The following PDHA1 variants were observed in gnomAD, a reference collection of about 807,000 sequenced individuals.
PDHA1 encodes pyruvate dehydrogenase E1 component subunit alpha, somatic form, mitochondrial.
In PDHA1, 1 loss-of-function variant was observed where a neutral mutation model predicts 33.0. That is an observed-to-expected ratio of 0.03 (90% confidence interval 0.01 to 0.14). The LOEUF (loss-of-function observed/expected upper bound fraction) is 0.14, where lower values mean the gene tolerates loss of function less well. PDHA1 is among the 10% of genes least tolerant of loss of function. PDHA1 has a pLI of 1.00. For missense variants in PDHA1, 168 were observed against 325.1 expected (o/e 0.52, Z 3.72); for synonymous variants, 123 against 119.2 (o/e 1.03, Z -0.21).
chrX:19,352,321 G>T (rs1352335531), intron 4 of PDHA1, among the ~76,000 whole-genome samples: 2 of 103,018 alleles, frequency 1.9e-5, no homozygotes, highest in South Asian at 9.2e-4. Context: ...TGCAGCCTCC[G>T]CCCCCCGGGT....
chrX:19,349,069 T>C (rs2063149940), intron 1 of PDHA1, among the ~76,000 whole-genome samples: 1 of 112,195 alleles, frequency 8.9e-6, no homozygotes, highest in Non-Finnish European at 1.9e-5. Context: ...GGTTTGTTTT[T>C]TGCCCCTCTT....
In PDHA1 at chrX:19,360,853, G is replaced by A; in HGVS notation, c.*1200G>A. ...CCACCCCTGGGAAACAAACACAGCT[G>A]TCTTCAGAGTCAGTGCTTCAAGCCA... On this transcript the variant is annotated 3_prime_UTR_variant, in exon 11 of 11. Transcript: ENST00000422285. 1 of 1,132,751 alleles carries A rather than the reference G, an allele frequency of 8.8e-7. No individual in the cohort carries two copies. Among genetic ancestry groups the A allele is most frequent in the Non-Finnish European group, 1.2e-6 (1 of 836,408 alleles). The allele number at this position is 1,132,751 out of a possible 1,213,427, so 93.4% of individuals were successfully genotyped here.
At chrX:19,344,150 G>A (rs2063115198) in intron 1 of PDHA1, 56 bp downstream of exon 1, 2 of 1,073,357 alleles carry the variant, frequency 1.9e-6, no homozygotes, top group African/African-American at 1.8e-5. Context: ...GGCGGGGCCG[G>A]AGGGCAGGGC....
chrX:19,351,453 T>G lies in PDHA1; in HGVS notation c.418+46T>G, dbSNP rs746733091. On this transcript the variant is annotated intron_variant, in intron 4 of 10. Transcript: ENST00000422285. ...AAGGGGAAATGAGTGGATTAAGTTTTTAAATATCTGTCATTAAGATGCTAT... is the reference window on the plus strand; with the variant it reads ...AAGGGGAAATGAGTGGATTAAGTTTGTAAATATCTGTCATTAAGATGCTAT... 8.3e-6 allele frequency: 9 copies of G among 1,079,344 alleles called. No individual in the cohort carries two copies. The South Asian group carries it at 1.7e-4, about 21-fold the overall frequency. The allele number at this position is 1,079,344 out of a possible 1,213,427, so 89.0% of individuals were successfully genotyped here.
Position 19,361,055 on chromosome X carries a change from T to TAAAG in PDHA1, c.*1405_*1408dup. 2.4e-6 allele frequency: 1 copy of TAAAG among 418,954 alleles called. No individual in the cohort carries two copies. Among genetic ancestry groups the TAAAG allele is most frequent in the South Asian group, 4.0e-5 (1 of 24,997 alleles). The allele number at this position is 418,954 out of a possible 1,213,427, so 34.5% of individuals were successfully genotyped here. A position where few individuals can be genotyped will look rare whatever the true frequency, so the allele number is the denominator to read the frequency against. On this transcript the variant is annotated 3_prime_UTR_variant, in exon 11 of 11. Transcript: ENST00000422285. ...GGGAACAAGAAGGCAGGCTGCAGTT[T>TAAAG]AAAGAAGGGGGTGGGTCCAGCGTGC... is the stretch of plus-strand genomic sequence containing the variant.
At chrX:19,354,974 C>T (rs911722706) in intron 6 of PDHA1, among the ~76,000 whole-genome samples, 10 of 112,640 alleles carry the variant, frequency 8.9e-5, no homozygotes, top group East Asian at 5.5e-4. Flanking sequence ...CCGAGTAATC[C>T]CCAGTCTGTG....
At chrX:19,352,661 CA>C (rs2063171572) in intron 4 of PDHA1, among the ~76,000 whole-genome samples, 1 of 112,390 alleles carries the variant, frequency 8.9e-6, no homozygotes, top group South Asian at 3.6e-4. Context: ...TTCGGGTTTG[CA>C]TCCTGAGAAT....
intron 1 of PDHA1, chrX:19,345,702 T>G (rs1404721586): frequency 4.0e-6 from 1 of 248,494 alleles, no homozygotes. Context: ...TTTCTTCTTC[T>G]TCTGCAAGTC....
chrX:19,358,123 A>G (rs2147185208), intron 9 of PDHA1, among the ~76,000 whole-genome samples: 1 of 111,995 alleles, frequency 8.9e-6, no homozygotes. Flanking sequence ...GTATAGAGCT[A>G]AGGGTAACTG....
In PDHA1 at chrX:19,361,254, G is replaced by T; in HGVS notation, c.*1601G>T. The T allele has an allele frequency of 1.2e-6, 1 of 803,449 alleles. No homozygotes were observed. Among genetic ancestry groups the T allele is most frequent in the African/African-American group, 2.0e-5 (1 of 48,857 alleles). 66.2% of individuals were successfully genotyped at this position (803,449 alleles called of 1,213,427 possible). A position where few individuals can be genotyped will look rare whatever the true frequency, so the allele number is the denominator to read the frequency against. The stretch of plus-strand genomic sequence containing the variant: ...ATAGAACTCCAGAGTTTGGGGGGAG[G>T]CCCAGCCCTTTGTTTTCTGCTCTTG... On this transcript the variant is annotated 3_prime_UTR_variant, in exon 11 of 11. Coordinates refer to ENST00000422285, the MANE Select transcript of PDHA1 (RefSeq NM_000284.4).
rs1327033288 is a variant in PDHA1 at position 19,360,570 on chromosome X, A to G, written c.*917A>G. On this transcript the variant is annotated 3_prime_UTR_variant, in exon 11 of 11. Transcript: ENST00000422285. ...TCACAATACACACAGTTCTATGTTT[A>G]TAAATAACAGGTTTCAAAAGAAACT... 4 of 404,697 alleles carry G rather than the reference A, an allele frequency of 9.9e-6. No individual in the cohort carries two copies. Among genetic ancestry groups the G allele is most frequent in the Non-Finnish European group, 8.5e-6 (2 of 234,193 alleles). 33.4% of individuals were successfully genotyped at this position (404,697 alleles called of 1,213,427 possible). A position where few individuals can be genotyped will look rare whatever the true frequency, so the allele number is the denominator to read the frequency against.
At position 19,351,874 on chromosome X, in the gene PDHA1, C is replaced by G. The variant is rs2063165421; in HGVS notation, c.418+467C>G. Among the ~76,000 whole-genome samples, 3 of 101,343 alleles carry G rather than the reference C, an allele frequency of 3.0e-5. No individual in the cohort carries two copies. In the Admixed American group the frequency reaches 3.2e-4, roughly 11 times the overall value. The allele number at this position is 101,343 out of a possible 115,157, so 88.0% of individuals were successfully genotyped here. ...TGTGCAGTGGTGTGATCACGGCTCA[C>G]TGCAACCTCCACCTCCCGGGTTCAA... On this transcript the variant is annotated intron_variant, in intron 4 of 10. Coordinates refer to ENST00000422285, the MANE Select transcript of PDHA1 (RefSeq NM_000284.4).
rs963815913 is a variant in PDHA1, at chrX:19,353,987, C to T, written c.511-504C>T. On this transcript the variant is annotated intron_variant, in intron 5 of 10. Transcript: ENST00000422285. ...CTTTTGAAATGGAGTCTTGCTCAGC[C>T]GCCCAGGCTGGAGCAGTGGTGTAAT... 9.0e-5 allele frequency among the ~76,000 whole-genome samples: 10 copies of T among 111,099 alleles called. No homozygotes were observed. In the East Asian group the frequency reaches 1.1e-3, roughly 12 times the overall value.
chrX:19,351,724 A>G (rs1311009507), intron 4 of PDHA1, among the ~76,000 whole-genome samples: 1 of 109,871 alleles, frequency 9.1e-6, no homozygotes, highest in African/African-American at 3.3e-5. Flanking sequence ...ATGGTATGCA[A>G]TGTAAATTCT....
chrX:19,355,402 T>C lies in PDHA1; in HGVS notation c.657T>C (p.Ile219=), dbSNP rs778744930. 22 of 1,210,226 alleles carry C rather than the reference T, an allele frequency of 1.8e-5. No homozygotes were observed. The highest frequency in any genetic ancestry group is 2.5e-5 in the Non-Finnish European group (22 of 894,814). Residue 219 remains isoleucine (I), a synonymous_variant, in exon 7 of 11, where the codon ATT becomes ATC. Transcript: ENST00000422285. Reference sequence around the variant, plus strand: ...CAGCTTTGTGGAAATTACCTTGTATTTTCATCTGTGAGAATAATCGCTATG... The same window carrying C: ...CAGCTTTGTGGAAATTACCTTGTATCTTCATCTGTGAGAATAATCGCTATG... The part of the protein sequence containing the change: ...NMAALWKLPC[I]FICENNRYGM...
intron 6 of PDHA1, among the ~76,000 whole-genome samples, chrX:19,355,057 C>CTGAT (rs2063186359): frequency 8.9e-6 from 1 of 112,505 alleles, no homozygotes; most frequent in South Asian, 3.6e-4. Context: ...TCCAGTGGGC[C>CTGAT]TGATAGATTT....
In PDHA1 at chrX:19,360,866, G is replaced by A; in HGVS notation, c.*1213G>A. On this transcript the variant is annotated 3_prime_UTR_variant, in exon 11 of 11. Coordinates refer to ENST00000422285, the MANE Select transcript of PDHA1 (RefSeq NM_000284.4). ...ACAAACACAGCTGTCTTCAGAGTCAGTGCTTCAAGCCAACAGAGCTTAAAA... is the reference window on the plus strand; with the variant it reads ...ACAAACACAGCTGTCTTCAGAGTCAATGCTTCAAGCCAACAGAGCTTAAAA... The A allele has an allele frequency of 3.7e-6, 4 of 1,084,293 alleles. No homozygotes were observed. Among genetic ancestry groups the A allele is most frequent in the Non-Finnish European group, 5.0e-6 (4 of 795,039 alleles). 89.4% of individuals were successfully genotyped at this position (1,084,293 alleles called of 1,213,427 possible).
chrX:19,345,823 T>C (rs190859119), intron 1 of PDHA1: 1 of 278,442 alleles, frequency 3.6e-6, no homozygotes, highest in African/African-American at 3.0e-5. Context: ...TGCCCAGGTA[T>C]CTTTCCACTT....
chrX:19,344,129 A>G, intron 1 of PDHA1, 35 bp downstream of exon 1: 1 of 1,139,468 alleles, frequency 8.8e-7, no homozygotes, highest in Non-Finnish European at 1.2e-6. Flanking sequence ...ATGGGGCGCG[A>G]GTGGGGCTGA....
Sources: allele counts gnomAD v4.1 joint callset (sites outside exome capture counted in the v4.1 genomes callset), GRCh38; gene constraint gnomAD v4.1.1; transcripts MANE v1.5; gene names NCBI Gene and HGNC (gene_info 2026-07-23, HGNC 2026-07-21).